Variants in WWC2 observed in about 807,000 individuals in gnomAD.
WWC2 encodes WW and C2 domain containing 2.
A neutral mutation model predicts 138.5 loss-of-function variants in WWC2; 101 were observed. The ratio of observed to expected loss-of-function variants is 0.73; its 90% confidence interval spans 0.62 to 0.86. The LOEUF is 0.86. WWC2 is among the 40% of genes least tolerant of loss of function. The probability of loss-of-function intolerance (pLI) is 0.00; values close to 1 mark genes in which losing one functional copy is unlikely to be tolerated. For synonymous variants in WWC2, 558 were observed against 538.4 expected, an observed-to-expected ratio of 1.04 and a Z score of -0.50; for missense variants, 1,420 against 1,419.4, an observed-to-expected ratio of 1.00 and a Z score of -0.01.
chr4:183,115,198 A>T (rs1286846357), intron 1 of WWC2, among the ~76,000 whole-genome samples: 1 of 152,188 alleles, frequency 6.6e-6, no homozygotes, highest in African/African-American at 2.4e-5. Flanking sequence ...TGCAGAGATC[A>T]TGATTTCATT....
At chr4:183,302,598 C>T (rs895047869) in intron 21 of WWC2, among the ~76,000 whole-genome samples, 1 of 152,142 alleles carries the variant, frequency 6.6e-6, no homozygotes, top group African/African-American at 2.4e-5. Flanking sequence ...CCAACATCCC[C>T]AGTGAGAATT....
At position 183,280,833 on chromosome 4, in the gene WWC2, G is replaced by A. The variant is rs1233353936; in HGVS notation, c.2620G>A (p.Glu874Lys). The A allele has an allele frequency of 2.5e-6, 4 of 1,599,276 alleles. No homozygotes were observed. The highest frequency in any genetic ancestry group is 3.4e-6 in the Non-Finnish European group (4 of 1,172,650). Residue 874 changes from glutamate (E) to lysine (K), a missense_variant, in exon 17 of 23, where the codon GAA becomes AAA. Transcript: ENST00000403733. The part of the protein sequence containing the change: ...TSAELLAVEQ[E>K]LAQEEEEESG... ...AGCTGAGTTGTTAGCTGTGGAACAA[G>A]AATTAGCACAAGAAGAAGAAGAAGA...
At chr4:183,144,028 G>A (rs1174453744) in intron 1 of WWC2, among the ~76,000 whole-genome samples, 1 of 152,170 alleles carries the variant, frequency 6.6e-6, no homozygotes, top group Admixed American at 6.5e-5. Context: ...TAAGATAACA[G>A]ATACAGAGAA....
chr4:183,157,640 A>G (rs1733844355), intron 1 of WWC2, among the ~76,000 whole-genome samples: 1 of 152,148 alleles, frequency 6.6e-6, no homozygotes, highest in Non-Finnish European at 1.5e-5. Flanking sequence ...AGCTGGCATT[A>G]CAGGTGCATG....
chr4:183,286,389 A>G (rs556208804), intron 20 of WWC2, among the ~76,000 whole-genome samples: 2 of 152,306 alleles, frequency 1.3e-5, no homozygotes, highest in South Asian at 4.1e-4. Flanking sequence ...TACCATGTCC[A>G]GGTCTTGAGC....
At chr4:183,153,256 A>G (rs547562131) in intron 1 of WWC2, among the ~76,000 whole-genome samples, 5 of 152,264 alleles carry the variant, frequency 3.3e-5, no homozygotes, top group African/African-American at 1.2e-4. Flanking sequence ...ATTTATACCC[A>G]TTTAATAACT....
intron 22 of WWC2, among the ~76,000 whole-genome samples, chr4:183,314,920 G>A (rs68040274): frequency 0.16 from 24,924 of 152,026 alleles, 2,525 homozygotes; most frequent in Non-Finnish European, 0.22. Context: ...TTTCTAACCC[G>A]CACCTCCTCC....
rs73870376 is a variant in WWC2 at position 183,227,953 on chromosome 4, C to T, written c.523-12230C>T. 2.3e-3 allele frequency among the ~76,000 whole-genome samples: 350 copies of T among 151,954 alleles called. 9 individuals are homozygous for T. Among genetic ancestry groups the T allele is most frequent in the African/African-American group, 7.6e-3 (314 of 41,346 alleles). On this transcript the variant is annotated intron_variant, in intron 4 of 22. Transcript: ENST00000403733. ...AATGAGTCTAATATAAGATGATAAA[C>T]GTAAATCTCAGTGTATCAATAATTA...
chr4:183,305,945 T>C (rs1386675911), intron 21 of WWC2, among the ~76,000 whole-genome samples: 1 of 152,200 alleles, frequency 6.6e-6, no homozygotes, highest in Non-Finnish European at 1.5e-5. Flanking sequence ...TGTGTATGCT[T>C]ACGTATAAGT....
At chr4:183,217,135 G>A (rs1735781646) in intron 4 of WWC2, among the ~76,000 whole-genome samples, 1 of 152,182 alleles carries the variant, frequency 6.6e-6, no homozygotes, top group African/African-American at 2.4e-5. Context: ...TTATTTGTGT[G>A]CTAGAACAAA....
At position 183,266,902 on chromosome 4, in the gene WWC2, C is replaced by T. The variant is rs534746331; in HGVS notation, c.2207+951C>T. On this transcript the variant is annotated intron_variant, in intron 14 of 22. Coordinates refer to ENST00000403733, the MANE Select transcript of WWC2 (RefSeq NM_024949.6). ...AAATTAAAGAGTTCTGCATGTTTTT[C>T]CTACAGAGTTGCTTGTAAGTTCACC... 3.5e-4 allele frequency among the ~76,000 whole-genome samples: 54 copies of T among 152,198 alleles called. No homozygotes were observed. In the South Asian group the frequency reaches 8.5e-3, roughly 24 times the overall value.
chr4:183,105,149 C>T (rs183636290), intron 1 of WWC2, among the ~76,000 whole-genome samples: 1 of 152,270 alleles, frequency 6.6e-6, no homozygotes, highest in East Asian at 1.9e-4. Flanking sequence ...CCTCAAGTTA[C>T]CTGCCCGCCT....
chr4:183,283,021 A>G, intron 18 of WWC2, 115 bp downstream of exon 18: 1 of 1,141,908 alleles, frequency 8.8e-7, no homozygotes, highest in Non-Finnish European at 1.2e-6. Flanking sequence ...TTGTGCCAAA[A>G]GCTGATCGTG....
rs567098269 is a variant in WWC2, at chr4:183,170,451, G to A, written c.132-23148G>A. 2.6e-5 allele frequency among the ~76,000 whole-genome samples: 4 copies of A among 152,306 alleles called. No individual in the cohort carries two copies. In the Middle Eastern group the frequency reaches 0.014, roughly 518 times the overall value. On this transcript the variant is annotated intron_variant, in intron 1 of 22. Transcript: ENST00000403733. Reference sequence around the variant, plus strand: ...AGTCAGTCATTAGGATGCCTGTGGGGTACGTGGACGGTGGGTGGGGTAAAG... The same window carrying A: ...AGTCAGTCATTAGGATGCCTGTGGGATACGTGGACGGTGGGTGGGGTAAAG...
intron 2 of WWC2, among the ~76,000 whole-genome samples, chr4:183,197,139 G>T (rs1396746418): frequency 6.6e-6 from 1 of 152,138 alleles, no homozygotes; most frequent in Non-Finnish European, 1.5e-5. Context: ...TACATTTCAA[G>T]TATAAATTAT....
intron 1 of WWC2, among the ~76,000 whole-genome samples, chr4:183,179,567 C>T (rs4385118): frequency 0.99 from 150,431 of 152,140 alleles, 74,395 homozygotes; most frequent in Middle Eastern, 1. Flanking sequence ...AGGATGTTGA[C>T]GGAGAGGGGG....
At chr4:183,216,393 G>T (rs1735758636) in intron 4 of WWC2, among the ~76,000 whole-genome samples, 1 of 152,164 alleles carries the variant, frequency 6.6e-6, no homozygotes, top group African/African-American at 2.4e-5. Flanking sequence ...GAGAGAAGGT[G>T]ATATTGGTGA....
chr4:183,302,890 C>G (rs1738900938), intron 21 of WWC2, among the ~76,000 whole-genome samples: 1 of 151,850 alleles, frequency 6.6e-6, no homozygotes, highest in South Asian at 2.1e-4. Context: ...ATGGTGAAAC[C>G]CCGTTTCTAC....
chr4:183,179,854 T>C (rs1734575762), intron 1 of WWC2, among the ~76,000 whole-genome samples: 2 of 152,180 alleles, frequency 1.3e-5, no homozygotes, highest in Non-Finnish European at 2.9e-5. Flanking sequence ...TTGAGCACTG[T>C]GTACCATGTA....
Sources: allele counts gnomAD v4.1 joint callset (sites outside exome capture counted in the v4.1 genomes callset), GRCh38; gene constraint gnomAD v4.1.1; transcripts MANE v1.5; gene names NCBI Gene and HGNC (gene_info 2026-07-23, HGNC 2026-07-21).